Variants in QRFPR observed in about 807,000 individuals in gnomAD.
QRFPR encodes pyroglutamylated RF-amide peptide receptor.
In QRFPR, 37 loss-of-function variants were observed where a neutral mutation model predicts 31.3. That is an observed-to-expected ratio of 1.18 (90% CI 0.91 to 1.56). QRFPR has a LOEUF of 1.56. QRFPR is among the 40% of genes most tolerant of loss of function. QRFPR has a pLI of 0.00. For missense variants in QRFPR, 542 were observed against 532.5 expected (o/e 1.02, Z -0.18); for synonymous variants, 197 against 192.0 (o/e 1.03, Z -0.22).
chr4:121,348,882 G>T lies in QRFPR; in HGVS notation c.341-8272C>A, dbSNP rs146154752. 4.4e-4 allele frequency among the ~76,000 whole-genome samples: 67 copies of T among 152,186 alleles called. 1 individual carries two copies. In the East Asian group the frequency reaches 0.011, roughly 26 times the overall value. ...GGAGGCCGAGGCGGGCTGATCATGA[G>T]GTCAGGAGATTGAGACCATCCTGGC... On this transcript the variant is annotated intron_variant, in intron 1 of 5. Coordinates refer to ENST00000394427, the MANE Select transcript of QRFPR (RefSeq NM_198179.3).
At chr4:121,351,809 C>A (rs1725765239) in intron 1 of QRFPR, among the ~76,000 whole-genome samples, 2 of 147,104 alleles carry the variant, frequency 1.4e-5, no homozygotes, top group African/African-American at 2.5e-5. Flanking sequence ...AGTTGTTCAC[C>A]AAAGATACAA....
At position 121,329,534 on chromosome 4, in the gene QRFPR, G is replaced by C. The variant is rs544705590; in HGVS notation, c.1076C>G (p.Ala359Gly). 2.0e-5 allele frequency: 32 copies of C among 1,613,810 alleles called. No homozygotes were observed. Among genetic ancestry groups the C allele is most frequent in the Non-Finnish European group, 2.6e-5 (31 of 1,179,828 alleles). Residue 359 changes from alanine (A) to glycine (G), a missense_variant, in exon 6 of 6, where the codon GCA (alanine) becomes GGA (glycine). Physicochemically the swap from Ala to Gly is moderately conservative, Grantham distance 60 (BLOSUM62 0). Coordinates refer to ENST00000394427, the MANE Select transcript of QRFPR (RefSeq NM_198179.3). The stretch of plus-strand genomic sequence containing the variant: ...AATTCCTGAATTTCCATGCCTTTGT[G>C]CTGGAGAGAAGGTTTTATTTACTAT... ...YCIVNKTFSP[A>G]QRHGNSGITM...
chr4:121,330,111 C>T (rs923027996), intron 5 of QRFPR, among the ~76,000 whole-genome samples: 4 of 152,138 alleles, frequency 2.6e-5, no homozygotes, highest in African/African-American at 9.7e-5. Context: ...CTGTTCAAGT[C>T]AGGGTTCTAA....
intron 1 of QRFPR, among the ~76,000 whole-genome samples, chr4:121,360,899 C>T (rs369682457): frequency 6.6e-6 from 1 of 152,322 alleles, no homozygotes; most frequent in East Asian, 1.9e-4. Context: ...TGTTGTCTCT[C>T]CCCAAGCACC....
chr4:121,380,244 A>G (rs1014239648), intron 1 of QRFPR, 64 bp downstream of exon 1: 48 of 1,078,790 alleles, frequency 4.4e-5, no homozygotes, highest in Admixed American at 3.5e-4. Flanking sequence ...AGAGAGAGAG[A>G]GAGATCCCCT....
At chr4:121,369,887 T>A in intron 1 of QRFPR, 1 of 803,918 alleles carries the variant, frequency 1.2e-6, no homozygotes, top group Non-Finnish European at 2.2e-6. Context: ...CAGCTTTAGT[T>A]TGTGGAGTGC....
chr4:121,364,999 T>C lies in QRFPR; in HGVS notation c.340+15309A>G, dbSNP rs1726064909. ...ATGCTGAGCTCCATACAGCTGTTTT[T>C]TGGGGTTCCATTTAAGTCTCCATGA... On this transcript the variant is annotated intron_variant, in intron 1 of 5. Coordinates refer to ENST00000394427, the MANE Select transcript of QRFPR (RefSeq NM_198179.3). 1.3e-5 allele frequency among the ~76,000 whole-genome samples: 2 copies of C among 149,858 alleles called. 1 individual carries two copies. The highest frequency in any genetic ancestry group is 3.0e-5 in the Non-Finnish European group (2 of 67,550).
intron 1 of QRFPR, among the ~76,000 whole-genome samples, chr4:121,378,480 T>A (rs1726401615): frequency 6.8e-6 from 1 of 147,876 alleles, no homozygotes; most frequent in Non-Finnish European, 1.5e-5. Flanking sequence ...TAGCGTGATC[T>A]CGGCTCACTA....
chr4:121,350,033 G>T (rs1233372088), intron 1 of QRFPR, among the ~76,000 whole-genome samples: 1 of 152,188 alleles, frequency 6.6e-6, no homozygotes. Context: ...GGGAAGGATG[G>T]TTAAAATGTA....
rs762581324 is a variant in QRFPR, at chr4:121,329,651, A to G, written c.959T>C (p.Ile320Thr). 1.3e-6 allele frequency: 2 copies of G among 1,593,162 alleles called. No homozygotes were observed. The highest frequency in any genetic ancestry group is 1.7e-6 in the Non-Finnish European group (2 of 1,170,270). The change falls in exon 6 of 6, where the codon ATT becomes ACT. Residue 320 changes from isoleucine (I) to threonine (T), a missense_variant. Ile to Thr is a moderately conservative substitution (Grantham distance 89). Transcript: ENST00000394427. ...IKMIFAIVQI[I>T]GFSNSICNPI... is the part of the protein sequence containing the mutation. ...ATTACAGATGGAGTTGGAAAATCCA[A>G]TAATTTGCACGATAGCAAAAATCAT...
At position 121,329,698 on chromosome 4, in the gene QRFPR, T is replaced by C; in HGVS notation, c.912A>G (p.Glu304=). The C allele has an allele frequency of 6.5e-7, 1 of 1,535,382 alleles. No individual in the cohort carries two copies. Among genetic ancestry groups the C allele is most frequent in the Non-Finnish European group, 8.8e-7 (1 of 1,141,296 alleles). ...MMIEYSNFEK[E]YDDVTIKMIF... is the part of the protein sequence containing the mutation. ...TCATCTTGATTGTGACATCATCATA[T>C]TCCTTTTCAAAATTACCTGAAATAA... Residue 304 remains glutamate (E), a synonymous_variant, in exon 6 of 6, where the codon GAA becomes GAG. Transcript: ENST00000394427.
rs1233510574 is a variant in QRFPR, at chr4:121,380,685, A to C, written c.-38T>G. 6.8e-7 allele frequency: 1 copy of C among 1,464,526 alleles called. No homozygotes were observed. Among genetic ancestry groups the C allele is most frequent in the African/African-American group, 1.4e-5 (1 of 70,988 alleles). 90.7% of individuals were successfully genotyped at this position (1,464,526 alleles called of 1,614,324 possible). A position where few individuals can be genotyped will look rare whatever the true frequency, so the allele number is the denominator to read the frequency against. On this transcript the variant is annotated 5_prime_UTR_variant, in exon 1 of 6. The change abolishes the stop of an existing upstream ORF in the 5' untranslated region. Transcript: ENST00000394427. ...CCGGGACGCGGGGCCACCGCCCGCT[A>C]CTGGCTGGCCATCCGCATCTGCGGG...
intron 1 of QRFPR, among the ~76,000 whole-genome samples, chr4:121,355,323 T>A (rs1725845760): frequency 6.6e-6 from 1 of 152,140 alleles, no homozygotes; most frequent in Non-Finnish European, 1.5e-5. Flanking sequence ...TAGGAATTTA[T>A]CCATTTCTTC....
rs1291020199 is a variant in QRFPR at position 121,328,912 on chromosome 4, C to A, written c.*402G>T. Among the ~76,000 whole-genome samples the A allele has an allele frequency of 6.6e-6, 1 of 152,124 alleles. No homozygotes were observed. Among genetic ancestry groups the A allele is most frequent in the African/African-American group, 2.4e-5 (1 of 41,424 alleles). On this transcript the variant is annotated 3_prime_UTR_variant, in exon 6 of 6. Transcript: ENST00000394427. The stretch of plus-strand genomic sequence containing the variant: ...CTGGGACTACAGGTGCCCGCCACCA[C>A]GCCCGGCTAATTTTTGTATTTTTAG...
intron 1 of QRFPR, among the ~76,000 whole-genome samples, chr4:121,365,816 G>T (rs1281082150): frequency 2.1e-5 from 3 of 141,254 alleles, no homozygotes; most frequent in East Asian, 2.1e-4. Context: ...TTACAGTAAA[G>T]AATTTTTTTA....
In QRFPR at chr4:121,379,935, C is replaced by T. The variant is rs571842783; in HGVS notation, c.340+373G>A. Reference sequence around the variant, plus strand: ...CTAGGGGAGAAAAACCTGGTAATGACGGGAAAGGGAGCTGAAATAAGTGGC... The same window carrying T: ...CTAGGGGAGAAAAACCTGGTAATGATGGGAAAGGGAGCTGAAATAAGTGGC... On this transcript the variant is annotated intron_variant, in intron 1 of 5. Coordinates refer to ENST00000394427, the MANE Select transcript of QRFPR (RefSeq NM_198179.3). 4.7e-3 allele frequency among the ~76,000 whole-genome samples: 717 copies of T among 151,974 alleles called. 4 individuals carry two copies. Among genetic ancestry groups the T allele is most frequent in the African/African-American group, 0.016 (683 of 41,446 alleles).
chr4:121,340,316 G>T, intron 2 of QRFPR, 136 bp downstream of exon 2: 1 of 911,174 alleles, frequency 1.1e-6, no homozygotes, highest in Non-Finnish European at 1.7e-6. Flanking sequence ...AACAGGGAAA[G>T]CACTGAAACT....
At chr4:121,351,274 T>G (rs185383982) in intron 1 of QRFPR, among the ~76,000 whole-genome samples, 82 of 152,324 alleles carry the variant, frequency 5.4e-4, no homozygotes, top group African/African-American at 1.9e-3. Context: ...TATCAGACTT[T>G]TAGGTTTTAC....
At position 121,362,652 on chromosome 4, in the gene QRFPR, G is replaced by A. The variant is rs936502728; in HGVS notation, c.340+17656C>T. The stretch of plus-strand genomic sequence containing the variant: ...GAATAGATCAATAGAATAGAATAGA[G>A]AGCTCAGCAATCACATAAATATAAT... On this transcript the variant is annotated intron_variant, in intron 1 of 5. Transcript: ENST00000394427. Among the ~76,000 whole-genome samples the A allele has an allele frequency of 9.3e-5, 14 of 150,096 alleles. 2 individuals carry two copies. Among genetic ancestry groups the A allele is most frequent in the African/African-American group, 3.5e-4 (14 of 40,576 alleles).
Sources: gnomAD v4.1 joint callset for allele counts (sites outside exome capture counted in the v4.1 genomes callset) on GRCh38, gnomAD v4.1.1 for gene constraint, MANE v1.5 for transcripts, NCBI Gene and HGNC (gene_info 2026-07-23, HGNC 2026-07-21) for gene names.